The following IRS1 variants were observed in gnomAD, a reference collection of about 807,000 sequenced individuals.
The protein encoded by IRS1 is insulin receptor substrate 1.
IRS1 carries 34 observed loss-of-function variants against 65.6 expected under a neutral mutation model. The ratio of observed to expected loss-of-function variants is 0.52; its 90% CI spans 0.39 to 0.69. The LOEUF is 0.69. Ranked by LOEUF, IRS1 falls within the 30% of genes least tolerant of loss-of-function variation. The probability of loss-of-function intolerance (pLI) is 0.00; values close to 1 mark genes in which losing one functional copy is unlikely to be tolerated. For synonymous variants in IRS1, 699 were observed against 683.5 expected, an observed-to-expected ratio of 1.02 and a Z score of -0.35; for missense variants, 1,641 against 1,720.2, an observed-to-expected ratio of 0.95 and a Z score of 0.81.
In IRS1 at chr2:226,795,497, C is replaced by A; in HGVS notation, c.3242G>T (p.Arg1081Leu). The A allele has an allele frequency of 6.2e-7, 1 of 1,613,506 alleles. No individual in the cohort carries two copies. The highest frequency in any genetic ancestry group is 8.5e-7 in the Non-Finnish European group (1 of 1,180,026). Residue 1081 changes from arginine (R) to leucine (L), a missense_variant, in exon 1 of 2, where the codon CGC becomes CTC. Arg to Leu is a moderately radical substitution (Grantham distance 102). Coordinates refer to ENST00000305123, the MANE Select transcript of IRS1 (RefSeq NM_005544.3). ...AFTRVNLSPNRNQSAKVIRAD... is the reference protein window; with the variant it reads ...AFTRVNLSPNLNQSAKVIRAD... ...ACGGATCACTTTGGCACTCTGGTTG[C>A]GGTTAGGACTGAGGTTCACCCGGGT...
chr2:226,776,601 G>T (rs1029461910), intron 1 of IRS1, among the ~76,000 whole-genome samples: 3 of 152,144 alleles, frequency 2.0e-5, no homozygotes, highest in Non-Finnish European at 4.4e-5. Context: ...TGATGAAATG[G>T]CACTGTTACA....
In IRS1 at chr2:226,798,941, G is replaced by C; in HGVS notation, c.-203C>G. On this transcript the variant is annotated 5_prime_UTR_variant, in exon 1 of 2. Coordinates refer to ENST00000305123, the MANE Select transcript of IRS1 (RefSeq NM_005544.3). This position sits in a 1 kb window ranked among gnomAD's most constrained non-coding sequence, Gnocchi z 9.4. ...AGCTGCTGAGCCCAGGAGAGAGCCC[G>C]ACCGGAGTTTTCGGGCGCTTCACGC... 1 of 1,449,842 alleles carries C rather than the reference G, an allele frequency of 6.9e-7. No individual in the cohort carries two copies. Among genetic ancestry groups the C allele is most frequent in the Non-Finnish European group, 9.1e-7 (1 of 1,100,674 alleles). 89.8% of individuals were successfully genotyped at this position (1,449,842 alleles called of 1,614,324 possible). A position where few individuals can be genotyped will look rare whatever the true frequency, so the allele number is the denominator to read the frequency against.
At chr2:226,737,009 G>A (rs985417810) in intron 1 of IRS1, among the ~76,000 whole-genome samples, 2 of 151,246 alleles carry the variant, frequency 1.3e-5, no homozygotes, top group African/African-American at 4.9e-5. Flanking sequence ...AGTTACATAC[G>A]TATACATGTG....
intron 1 of IRS1, among the ~76,000 whole-genome samples, chr2:226,791,224 C>T (rs1037360177): frequency 3.3e-5 from 5 of 152,180 alleles, no homozygotes; most frequent in African/African-American, 1.2e-4. Flanking sequence ...CTCTCTCCCT[C>T]CCTTGGTTGA....
chr2:226,762,515 A>G (rs1461224208), intron 1 of IRS1, among the ~76,000 whole-genome samples: 1 of 152,176 alleles, frequency 6.6e-6, no homozygotes, highest in African/African-American at 2.4e-5. Flanking sequence ...CAGATTGCAA[A>G]TATCTTGGGC....
chr2:226,767,319 G>A (rs188471304), intron 1 of IRS1, among the ~76,000 whole-genome samples: 61 of 152,264 alleles, frequency 4.0e-4, no homozygotes, highest in African/African-American at 1.4e-3. Flanking sequence ...TGAAATAAGC[G>A]CAAGCCATAA....
intron 1 of IRS1, among the ~76,000 whole-genome samples, chr2:226,772,699 C>A (rs1939187863): frequency 1.4e-5 from 2 of 147,194 alleles, no homozygotes; most frequent in Non-Finnish European, 3.0e-5. Context: ...AAAAAAAATT[C>A]TAAGTCCTCT....
At chr2:226,766,272 T>A (rs550434106) in intron 1 of IRS1, among the ~76,000 whole-genome samples, 25 of 148,174 alleles carry the variant, frequency 1.7e-4, no homozygotes, top group Non-Finnish European at 3.1e-4. Flanking sequence ...CAAGCAATTC[T>A]TGTGCCTTAG....
intron 1 of IRS1, among the ~76,000 whole-genome samples, chr2:226,745,333 T>G (rs1189343412): frequency 6.6e-6 from 1 of 152,182 alleles, no homozygotes; most frequent in African/African-American, 2.4e-5. Flanking sequence ...GTGAGTAACC[T>G]GTATGCGATT....
chr2:226,742,762 C>G (rs1250425015), intron 1 of IRS1, among the ~76,000 whole-genome samples: 1 of 151,376 alleles, frequency 6.6e-6, no homozygotes, highest in Admixed American at 6.6e-5. Flanking sequence ...CCTGTCAGCT[C>G]TGGCAGAGGC....
chr2:226,783,131 T>C (rs377672350), intron 1 of IRS1, among the ~76,000 whole-genome samples: 1 of 152,208 alleles, frequency 6.6e-6, no homozygotes, highest in African/African-American at 2.4e-5. Context: ...GAAACCTCAA[T>C]AGTCATTTTT....
intron 1 of IRS1, among the ~76,000 whole-genome samples, chr2:226,763,864 C>A (rs1475948064): frequency 2.0e-5 from 3 of 152,230 alleles, no homozygotes; most frequent in Admixed American, 2.0e-4. Flanking sequence ...CTACTCTTTT[C>A]TTCATTGTGG....
At chr2:226,786,083 T>A (rs1159184879) in intron 1 of IRS1, among the ~76,000 whole-genome samples, 2 of 149,830 alleles carry the variant, frequency 1.3e-5, no homozygotes, top group Non-Finnish European at 3.0e-5. Context: ...TCGTCCTTTT[T>A]TATGGCTGCA....
chr2:226,785,718 T>C (rs912027402), intron 1 of IRS1, among the ~76,000 whole-genome samples: 4 of 152,204 alleles, frequency 2.6e-5, no homozygotes, highest in South Asian at 2.1e-4. Flanking sequence ...TTCACTGTTA[T>C]GCTAGATTAA....
At position 226,736,489 on chromosome 2, in the gene IRS1, A is replaced by C. The variant is rs181715451; in HGVS notation, c.*22-239T>G. ...CAATGTGGAATCTGTAAACAAATCAACATGATCTGGATGTTTCAGAGGTTT... is the reference window on the plus strand; with the variant it reads ...CAATGTGGAATCTGTAAACAAATCACCATGATCTGGATGTTTCAGAGGTTT... On this transcript the variant is annotated intron_variant, in intron 1 of 1. Transcript: ENST00000305123. Among the ~76,000 whole-genome samples, 32 of 152,366 alleles carry C rather than the reference A, an allele frequency of 2.1e-4. No individual in the cohort carries two copies. In the East Asian group the frequency reaches 4.4e-3, roughly 21 times the overall value.
At chr2:226,772,677 TAAA>T (rs58764928) in intron 1 of IRS1, among the ~76,000 whole-genome samples, 9 of 108,590 alleles carry the variant, frequency 8.3e-5, no homozygotes, top group Admixed American at 9.5e-5. Flanking sequence ...ACATGGACAG[TAAA>T]AAAAAAAAAA....
intron 1 of IRS1, among the ~76,000 whole-genome samples, chr2:226,763,820 T>A (rs1938970371): frequency 6.6e-6 from 1 of 152,188 alleles, no homozygotes; most frequent in African/African-American, 2.4e-5. Context: ...AATAACTGAC[T>A]TTTGAATCAA....
chr2:226,762,782 T>C lies in IRS1; in HGVS notation c.*22-26532A>G, dbSNP rs567130158. ...TGTAATAACATTTGCACCAGCCGAATACATATTTCATTGTAAATCAGGAAT... is the reference window on the plus strand; with the variant it reads ...TGTAATAACATTTGCACCAGCCGAACACATATTTCATTGTAAATCAGGAAT... On this transcript the variant is annotated intron_variant, in intron 1 of 1. Transcript: ENST00000305123. 4.9e-4 allele frequency among the ~76,000 whole-genome samples: 74 copies of C among 152,310 alleles called. 2 individuals carry two copies. In the South Asian group the frequency reaches 9.8e-3, roughly 20 times the overall value.
At chr2:226,766,455 G>A (rs760645114) in intron 1 of IRS1, among the ~76,000 whole-genome samples, 41 of 151,380 alleles carry the variant, frequency 2.7e-4, no homozygotes, top group Non-Finnish European at 5.6e-4. Context: ...GAGCCACCAC[G>A]CCCAGCCAAT....
Sources: allele counts gnomAD v4.1 joint callset (sites outside exome capture counted in the v4.1 genomes callset), GRCh38; gene constraint gnomAD v4.1.1; non-coding constraint Gnocchi (gnomAD v3.1); transcripts MANE v1.5; gene names NCBI Gene and HGNC (gene_info 2026-07-23, HGNC 2026-07-21).